The following YAP1 variants were observed in gnomAD, a reference collection of about 807,000 sequenced individuals.
YAP1 encodes transcriptional coactivator YAP1.
Under a neutral mutation model 56.9 loss-of-function variants are expected in YAP1, and 5 were observed. The ratio of observed to expected loss-of-function variants is 0.09; its 90% CI spans 0.05 to 0.18. The LOEUF is 0.18. Ranked by LOEUF, YAP1 falls within the 10% of genes least tolerant of loss-of-function variation. The pLI is 1.00. For synonymous variants in YAP1, 265 were observed against 248.1 expected (o/e 1.07, Z -0.64); for missense variants, 539 against 651.8 (o/e 0.83, Z 1.88).
chr11:102,202,422 G>T (rs565035184), intron 4 of YAP1, among the ~76,000 whole-genome samples: 1 of 148,878 alleles, frequency 6.7e-6, no homozygotes, highest in African/African-American at 2.5e-5. Flanking sequence ...CTCGTGATCC[G>T]CCTGTCTCGG....
rs1287300738 is a variant in YAP1, at chr11:102,185,877, CT to C, written c.689-140del. Reference sequence around the variant, plus strand: ...GCAGGTATATAGGTTTACCTTTCTTCTCTGAACACAGCCTTAAATATGTTTC... The same window carrying C: ...GCAGGTATATAGGTTTACCTTTCTTCCTGAACACAGCCTTAAATATGTTTC... On this transcript the variant is annotated intron_variant, in intron 3 of 8. Transcript: ENST00000282441. 37 of 810,424 alleles carry C rather than the reference CT, an allele frequency of 4.6e-5. No individual in the cohort carries two copies. In the African/African-American group the frequency reaches 6.0e-4, roughly 13 times the overall value. The allele number at this position is 810,424 out of a possible 1,614,324, so 50.2% of individuals were successfully genotyped here. A position where few individuals can be genotyped will look rare whatever the true frequency, so the allele number is the denominator to read the frequency against.
chr11:102,218,593 A>G (rs1044774719), intron 6 of YAP1, among the ~76,000 whole-genome samples: 4 of 152,184 alleles, frequency 2.6e-5, no homozygotes, highest in African/African-American at 7.2e-5. Context: ...CACTCCTGCC[A>G]CCAGTAAGTA....
intron 6 of YAP1, among the ~76,000 whole-genome samples, chr11:102,215,230 G>A (rs1949603110): frequency 6.6e-6 from 1 of 152,032 alleles, no homozygotes; most frequent in Non-Finnish European, 1.5e-5. Context: ...TATCACTAAG[G>A]CAAACTACTT....
chr11:102,125,196 A>G (rs1041582024), intron 2 of YAP1, among the ~76,000 whole-genome samples: 2 of 150,468 alleles, frequency 1.3e-5, no homozygotes, highest in Non-Finnish European at 3.0e-5. Flanking sequence ...TTGTGTGTGT[A>G]TGTTTTGTAG....
intron 3 of YAP1, among the ~76,000 whole-genome samples, chr11:102,170,848 A>T (rs1380774450): frequency 6.6e-6 from 1 of 152,016 alleles, no homozygotes; most frequent in Non-Finnish European, 1.5e-5. Flanking sequence ...GGGTGCCTGT[A>T]ATCCCAGCTA....
intron 3 of YAP1, among the ~76,000 whole-genome samples, chr11:102,184,186 C>T (rs1947820400): frequency 6.6e-6 from 1 of 151,926 alleles, no homozygotes; most frequent in South Asian, 2.1e-4. Context: ...CATGTATAGT[C>T]ACATGGTATT....
At chr11:102,149,042 A>G (rs1436953218) in intron 2 of YAP1, among the ~76,000 whole-genome samples, 3 of 152,060 alleles carry the variant, frequency 2.0e-5, no homozygotes, top group Non-Finnish European at 4.4e-5. Context: ...TTACCTCTTC[A>G]TGTGTTGCTA....
At chr11:102,126,374 T>C (rs1944036418) in intron 2 of YAP1, among the ~76,000 whole-genome samples, 2 of 152,226 alleles carry the variant, frequency 1.3e-5, no homozygotes, top group Admixed American at 1.3e-4. Context: ...TCCTACATGT[T>C]GTGGGACAAA....
At chr11:102,134,013 C>T (rs1944527036) in intron 2 of YAP1, among the ~76,000 whole-genome samples, 2 of 152,178 alleles carry the variant, frequency 1.3e-5, no homozygotes, top group Admixed American at 1.3e-4. Context: ...CATGAGGACC[C>T]TGCCACTCTC....
At position 102,113,987 on chromosome 11, in the gene YAP1, A is replaced by G. The variant is rs2033082; in HGVS notation, c.322-157A>G. Among the ~76,000 whole-genome samples, 68,559 of 152,008 alleles carry G rather than the reference A, an allele frequency of 0.45. 16,418 individuals are homozygous for G. The highest frequency in any genetic ancestry group is 0.57 in the Middle Eastern group (169 of 294). ...AAATTATATAATATTAAAAGTATCCATTTGAAAACCTGTGTTCTCCAGTGT... is the reference window on the plus strand; with the variant it reads ...AAATTATATAATATTAAAAGTATCCGTTTGAAAACCTGTGTTCTCCAGTGT... On this transcript the variant is annotated intron_variant, in intron 1 of 8. Transcript: ENST00000282441.
At chr11:102,202,779 A>G (rs921115272) in intron 4 of YAP1, among the ~76,000 whole-genome samples, 1 of 152,190 alleles carries the variant, frequency 6.6e-6, no homozygotes, top group Non-Finnish European at 1.5e-5. Flanking sequence ...CCTAAAATGG[A>G]TATAATAAGT....
chr11:102,185,718 T>C (rs541823004), intron 3 of YAP1, among the ~76,000 whole-genome samples: 5 of 152,142 alleles, frequency 3.3e-5, no homozygotes, highest in Non-Finnish European at 7.3e-5. Flanking sequence ...TTCCGTGTCT[T>C]ATGTTAACAG....
intron 7 of YAP1, among the ~76,000 whole-genome samples, chr11:102,224,015 A>G (rs1950075751): frequency 6.6e-6 from 1 of 152,238 alleles, no homozygotes; most frequent in Non-Finnish European, 1.5e-5. Flanking sequence ...ACTGTTGACT[A>G]ACAGTTACTT....
intron 4 of YAP1, among the ~76,000 whole-genome samples, chr11:102,189,588 C>G (rs1243422942): frequency 1.3e-5 from 2 of 152,182 alleles, no homozygotes; most frequent in East Asian, 3.9e-4. Context: ...GTGACAAAAA[C>G]AGAATATTTA....
intron 1 of YAP1, among the ~76,000 whole-genome samples, chr11:102,113,870 A>G (rs560129539): frequency 1.4e-3 from 209 of 152,270 alleles, no homozygotes; most frequent in African/African-American, 4.7e-3. Context: ...ATTCAGTACT[A>G]GTTGCCCTTA....
At chr11:102,128,827 C>T (rs1055763902) in intron 2 of YAP1, among the ~76,000 whole-genome samples, 17 of 152,268 alleles carry the variant, frequency 1.1e-4, no homozygotes, top group Admixed American at 3.3e-4. Flanking sequence ...TTTGCCATTT[C>T]CAAGTTCTTC....
At chr11:102,193,635 A>G (rs1420374500) in intron 4 of YAP1, among the ~76,000 whole-genome samples, 1 of 152,196 alleles carries the variant, frequency 6.6e-6, no homozygotes, top group East Asian at 1.9e-4. Flanking sequence ...CAATTAGTTA[A>G]TTATACAGTG....
intron 3 of YAP1, among the ~76,000 whole-genome samples, chr11:102,181,028 G>C (rs1431320000): frequency 6.6e-6 from 1 of 151,954 alleles, no homozygotes; most frequent in Non-Finnish European, 1.5e-5. Context: ...TGCACCTGTA[G>C]TCCTAGCTCC....
intron 4 of YAP1, among the ~76,000 whole-genome samples, chr11:102,188,281 T>C (rs1948091519): frequency 6.6e-6 from 1 of 152,252 alleles, no homozygotes; most frequent in Non-Finnish European, 1.5e-5. Flanking sequence ...CAAATCTATA[T>C]TAAAATATTT....
Sources: gnomAD v4.1 joint callset for allele counts (sites outside exome capture counted in the v4.1 genomes callset) on GRCh38, gnomAD v4.1.1 for gene constraint, MANE v1.5 for transcripts, NCBI Gene and HGNC (gene_info 2026-07-23, HGNC 2026-07-21) for gene names.